The following NAV3 variants were observed in gnomAD, a reference collection of about 807,000 sequenced individuals.
NAV3 encodes pore membrane and/or filament interacting like protein 1.
A neutral mutation model predicts 244.7 loss-of-function variants in NAV3; 87 were observed. The ratio of observed to expected loss-of-function variants is 0.36; its 90% CI spans 0.30 to 0.42. NAV3 has a LOEUF of 0.42. Among genes scored for constraint, NAV3 ranks in the 20% least tolerant of loss-of-function variants. The pLI is 1.00. For missense variants in NAV3, 2,663 were observed against 2,893.3 expected, an observed-to-expected ratio of 0.92 and a Z score of 1.83; for synonymous variants, 1,126 against 1,042.2, an observed-to-expected ratio of 1.08 and a Z score of -1.55.
chr12:77,955,016 A>G (rs531206897), intron 3 of NAV3, among the ~76,000 whole-genome samples: 1 of 152,230 alleles, frequency 6.6e-6, no homozygotes, highest in South Asian at 2.1e-4. Flanking sequence ...TTCCTCATTG[A>G]GCCCTTACTT....
At chr12:77,755,652 T>C (rs143828824) in intron 2 of NAV3, among the ~76,000 whole-genome samples, 13,480 of 59,394 alleles carry the variant, frequency 0.23, 3,740 homozygotes, top group Non-Finnish European at 0.25. Flanking sequence ...CTTCCTTCCT[T>C]CCTTCCACTC....
intron 2 of NAV3, among the ~76,000 whole-genome samples, chr12:77,764,040 T>C (rs564730756): frequency 1.3e-5 from 2 of 152,358 alleles, no homozygotes; most frequent in South Asian, 4.1e-4. Flanking sequence ...TGTTCAATTA[T>C]GTGGAAACAG....
chr12:78,179,346 G>A (rs1393273422), intron 28 of NAV3, 183 bp from the exon 29 acceptor site: 5 of 523,710 alleles, frequency 9.5e-6, no homozygotes, highest in East Asian at 3.4e-5. Flanking sequence ...AGCTACTTCC[G>A]TTTTGAACCT....
Position 78,051,141 on chromosome 12 carries a change from A to G in NAV3, c.2510A>G (p.Asn837Ser), listed in dbSNP as rs755066867. ...AAAAGTCTCAGGACTGATGACATCA[A>G]CAGTGGGTAAGTAACCCTGTTCTCC... The part of the protein sequence containing the change: ...LGKSLRTDDI[N>S]SGYMTDGGLN... The change falls in exon 11 of 40, where the codon AAC becomes AGC. Residue 837 changes from asparagine to serine, a missense_variant. By Grantham distance (46) the Asn-to-Ser change is conservative. Coordinates refer to ENST00000397909, the MANE Select transcript of NAV3 (RefSeq NM_001024383.2). The G allele has an allele frequency of 7.5e-6, 12 of 1,602,868 alleles. No individual in the cohort carries two copies. Among genetic ancestry groups the G allele is most frequent in the Middle Eastern group, 1.7e-4 (1 of 5,962 alleles).
rs770639476 is a variant in NAV3, at chr12:78,177,283, C to T, written c.5267C>T (p.Ala1756Val). The change falls in exon 27 of 40, where the codon GCA (alanine) becomes GTA (valine). Residue 1756 changes from alanine to valine, a missense_variant. Transcript: ENST00000397909. ...LPHNAGDCGS[A>V]SMKPSQSASA... is the part of the protein sequence containing the mutation. The stretch of plus-strand genomic sequence containing the variant: ...CATAATGCTGGTGACTGTGGCTCAG[C>T]ATCCATGAAGCCCTCACAATCTGCT... 6.2e-7 allele frequency: 1 copy of T among 1,613,246 alleles called. No homozygotes were observed. Among genetic ancestry groups the T allele is most frequent in the Admixed American group, 1.7e-5 (1 of 59,914 alleles).
intron 2 of NAV3, among the ~76,000 whole-genome samples, chr12:77,711,696 G>T (rs1230802640): frequency 6.6e-6 from 1 of 152,148 alleles, no homozygotes; most frequent in Non-Finnish European, 1.5e-5. Context: ...TCTGAGGGAG[G>T]TGGGCACCCA....
At chr12:78,068,676 G>T (rs1952603940) in intron 12 of NAV3, among the ~76,000 whole-genome samples, 1 of 146,762 alleles carries the variant, frequency 6.8e-6, no homozygotes, top group Non-Finnish European at 1.5e-5. Flanking sequence ...ATATATAATG[G>T]ATGTAATATA....
At chr12:77,697,213 C>T (rs1875345705) in intron 2 of NAV3, among the ~76,000 whole-genome samples, 1 of 152,128 alleles carries the variant, frequency 6.6e-6, no homozygotes, top group Admixed American at 6.6e-5. Context: ...TCTCTCCCAG[C>T]CCTACCTTGG....
intron 2 of NAV3, among the ~76,000 whole-genome samples, chr12:77,678,926 T>C (rs914641903): frequency 6.6e-6 from 1 of 152,294 alleles, no homozygotes; most frequent in East Asian, 1.9e-4. Flanking sequence ...CTAGAAACTT[T>C]ATGATTAAGT....
At chr12:77,901,547 T>A (rs1019808592) in intron 1 of NAV3, among the ~76,000 whole-genome samples, 10 of 151,846 alleles carry the variant, frequency 6.6e-5, no homozygotes, top group African/African-American at 2.4e-4. Context: ...CCATCGCTAC[T>A]AAAAATACAA....
intron 12 of NAV3, among the ~76,000 whole-genome samples, chr12:78,073,791 T>C (rs1035197243): frequency 1.3e-5 from 2 of 152,092 alleles, no homozygotes; most frequent in Non-Finnish European, 2.9e-5. Flanking sequence ...CTTCAAACTA[T>C]ACTACAAGGC....
chr12:77,861,957 A>G (rs1252855127), intron 1 of NAV3, among the ~76,000 whole-genome samples: 1 of 151,836 alleles, frequency 6.6e-6, no homozygotes, highest in Admixed American at 6.6e-5. Context: ...TTTTTTGTCT[A>G]AAATACCTTT....
At chr12:78,150,498 TTTTG>T (rs1212697200) in intron 22 of NAV3, among the ~76,000 whole-genome samples, 2 of 65,674 alleles carry the variant, frequency 3.0e-5, no homozygotes, top group African/African-American at 5.7e-5. Flanking sequence ...ATTTTTTTGT[TTTTG>T]TTTTTGTTTT....
At chr12:77,641,699 A>G (rs2136954681) in intron 2 of NAV3, among the ~76,000 whole-genome samples, 1 of 152,124 alleles carries the variant, frequency 6.6e-6, no homozygotes, top group East Asian at 1.9e-4. Flanking sequence ...AACAAGAGGT[A>G]TTTTCCATTA....
At chr12:77,906,907 T>C (rs1254381702) in intron 1 of NAV3, among the ~76,000 whole-genome samples, 1 of 152,254 alleles carries the variant, frequency 6.6e-6, no homozygotes, top group Non-Finnish European at 1.5e-5. Context: ...TGAAATACAG[T>C]TGCCAACTTC....
At chr12:77,827,054 G>A (rs534377924), upstream of NAV3, among the ~76,000 whole-genome samples, 48 of 152,048 alleles carry the variant, frequency 3.2e-4, no homozygotes, top group Non-Finnish European at 6.3e-4. Flanking sequence ...AAACCCTGGC[G>A]AAAAGCTGTC....
chr12:77,658,610 T>C (rs1045347310), intron 2 of NAV3, among the ~76,000 whole-genome samples: 1 of 151,992 alleles, frequency 6.6e-6, no homozygotes, highest in African/African-American at 2.4e-5. Context: ...AAAAACTACT[T>C]TAAAGTTCAT....
At chr12:77,769,347 A>G (rs751841937) in intron 2 of NAV3, among the ~76,000 whole-genome samples, 2 of 152,212 alleles carry the variant, frequency 1.3e-5, no homozygotes, top group Non-Finnish European at 2.9e-5. Context: ...CATATGTAAA[A>G]TGCCCATTTT....
At chr12:77,785,869 C>A (rs1469648613) in intron 2 of NAV3, among the ~76,000 whole-genome samples, 1 of 152,148 alleles carries the variant, frequency 6.6e-6, no homozygotes, top group Non-Finnish European at 1.5e-5. Flanking sequence ...TGTGGTCATC[C>A]CTCCTTCAAT....
Sources: gnomAD v4.1 joint callset for allele counts (sites outside exome capture counted in the v4.1 genomes callset) on GRCh38, gnomAD v4.1.1 for gene constraint, MANE v1.5 for transcripts, NCBI Gene and HGNC (gene_info 2026-07-23, HGNC 2026-07-21) for gene names.